The following GPHN variants were observed in gnomAD, a reference collection of about 807,000 sequenced individuals.
The protein encoded by GPHN is gephyrin.
A neutral mutation model predicts 95.5 loss-of-function variants in GPHN; 17 were observed. The ratio of observed to expected loss-of-function variants is 0.18; its 90% CI spans 0.12 to 0.27. GPHN has a LOEUF of 0.27. Among genes scored for constraint, GPHN ranks in the 10% least tolerant of loss-of-function variants. The pLI is 1.00. For synonymous variants in GPHN, 320 were observed against 322.5 expected (o/e 0.99, Z 0.08); for missense variants, 660 against 978.1 (o/e 0.67, Z 4.34).
chr14:67,325,174 G>C, the GPHN span, among the ~76,000 whole-genome samples: 4 of 152,020 alleles, frequency 2.6e-5, no homozygotes, highest in Non-Finnish European at 4.4e-5. Context: ...CAAAGTGCTG[G>C]GATTACAGGC....
chr14:67,261,692 T>G, the GPHN span, among the ~76,000 whole-genome samples: 1 of 152,112 alleles, frequency 6.6e-6, no homozygotes, highest in Non-Finnish European at 1.5e-5. Context: ...AGTATCACTT[T>G]ACATATGTAG....
At chr14:67,655,028 C>CAAAA in the GPHN span, among the ~76,000 whole-genome samples, 116 of 43,408 alleles carry the variant, frequency 2.7e-3, 3 homozygotes, top group Admixed American at 4.1e-3. Flanking sequence ...GACTCCATCT[C>CAAAA]AAAAAAAAAA....
At chr14:67,540,082 A>G in the GPHN span, among the ~76,000 whole-genome samples, 3 of 152,188 alleles carry the variant, frequency 2.0e-5, no homozygotes, top group Admixed American at 2.0e-4. Flanking sequence ...CTCCTGAGGA[A>G]GGAAAAGGGG....
At chr14:66,634,301 G>T (rs1228529366) in intron 1 of GPHN, among the ~76,000 whole-genome samples, 5 of 150,868 alleles carry the variant, frequency 3.3e-5, no homozygotes, top group Non-Finnish European at 7.4e-5. Flanking sequence ...ATGTTTGTTG[G>T]GTAGAATGTT....
chr14:67,107,746 T>A (rs1340902492), intron 13 of GPHN, among the ~76,000 whole-genome samples: 3 of 151,938 alleles, frequency 2.0e-5, no homozygotes, highest in South Asian at 2.1e-4. Context: ...TGTGGTTTGA[T>A]CCCCGGGGGG....
chr14:66,682,141 G>T (rs1595527837), intron 2 of GPHN, among the ~76,000 whole-genome samples: 1 of 152,256 alleles, frequency 6.6e-6, no homozygotes, highest in Middle Eastern at 3.4e-3. Flanking sequence ...ATCGAATATT[G>T]AAGTTTATAT....
the GPHN span, among the ~76,000 whole-genome samples, chr14:67,341,193 G>A: frequency 2.5e-4 from 38 of 152,182 alleles, no homozygotes; most frequent in African/African-American, 7.9e-4. Flanking sequence ...AGTGAGGAGC[G>A]TCTGTGACTG....
At chr14:67,667,938 C>G in the GPHN span, among the ~76,000 whole-genome samples, 1 of 151,996 alleles carries the variant, frequency 6.6e-6, no homozygotes, top group African/African-American at 2.4e-5. Flanking sequence ...AGCAACACTC[C>G]ATCTCAAAAA....
chr14:67,536,585 C>G, the GPHN span, among the ~76,000 whole-genome samples: 45 of 151,932 alleles, frequency 3.0e-4, no homozygotes, highest in Admixed American at 2.2e-3. Context: ...CTGTGGTGAC[C>G]TCTGACCTCT....
chr14:66,942,738 A>G (rs2067501156), intron 8 of GPHN, among the ~76,000 whole-genome samples: 3 of 152,208 alleles, frequency 2.0e-5, no homozygotes, highest in Admixed American at 6.5e-5. Context: ...CCATGTAACT[A>G]AATATGCCAA....
the GPHN span, among the ~76,000 whole-genome samples, chr14:67,406,209 A>T: frequency 6.6e-6 from 1 of 151,702 alleles, no homozygotes; most frequent in Admixed American, 6.6e-5. Context: ...CAGTGAGCCA[A>T]GATGGCGCCA....
At chr14:66,921,115 G>A (rs1384779097) in intron 6 of GPHN, among the ~76,000 whole-genome samples, 10 of 152,180 alleles carry the variant, frequency 6.6e-5, no homozygotes, top group Admixed American at 5.2e-4. Flanking sequence ...TAGATACCCA[G>A]TAGTGGGATT....
intron 13 of GPHN, among the ~76,000 whole-genome samples, chr14:67,101,382 A>T (rs2077689606): frequency 1.3e-5 from 2 of 152,144 alleles, no homozygotes; most frequent in South Asian, 2.1e-4. Context: ...AAATGAAGCA[A>T]TAATAGGCCA....
intron 11 of GPHN, among the ~76,000 whole-genome samples, chr14:67,073,920 A>G (rs1451328238): frequency 1.3e-5 from 2 of 152,326 alleles, no homozygotes; most frequent in South Asian, 2.1e-4. Context: ...CTGGTTTTCA[A>G]CAAAGGAGAT....
the GPHN span, chr14:67,279,010 C>T: frequency 1.6e-6 from 1 of 634,450 alleles, no homozygotes; most frequent in Non-Finnish European, 2.4e-6. Context: ...CCCCATCTTT[C>T]CCCTTAGATT....
At chr14:66,566,795 A>C (rs1212901402) in intron 1 of GPHN, among the ~76,000 whole-genome samples, 3 of 152,186 alleles carry the variant, frequency 2.0e-5, no homozygotes, top group Admixed American at 2.0e-4. Context: ...GCAAATCACT[A>C]GGTTTCTCTT....
chr14:67,642,293 G>C, the GPHN span: 2 of 1,614,136 alleles, frequency 1.2e-6, no homozygotes, highest in Non-Finnish European at 8.5e-7. Context: ...TGCCAACCAG[G>C]AACTGGCTGA....
At chr14:67,029,417 A>C (rs1003776928) in intron 10 of GPHN, among the ~76,000 whole-genome samples, 30 of 151,276 alleles carry the variant, frequency 2.0e-4, no homozygotes, top group African/African-American at 7.3e-4. Flanking sequence ...GGCTCACTGC[A>C]ACCTCTACTT....
chr14:67,187,573 A>T, the GPHN span, among the ~76,000 whole-genome samples: 2 of 152,158 alleles, frequency 1.3e-5, no homozygotes, highest in Admixed American at 6.5e-5. Flanking sequence ...AAATCTCTCC[A>T]TGTAACACTC....
Sources: allele counts gnomAD v4.1 joint callset (sites outside exome capture counted in the v4.1 genomes callset), GRCh38; gene constraint gnomAD v4.1.1; transcripts MANE v1.5; gene names NCBI Gene and HGNC (gene_info 2026-07-23, HGNC 2026-07-21).